ATE1: variants seen among roughly 807,000 people sequenced by gnomAD.
ATE1 encodes the protein arginyltransferase 1.
In ATE1, 36 loss-of-function variants were observed where a neutral mutation model predicts 70.5. The ratio of observed to expected loss-of-function variants is 0.51; its 90% confidence interval spans 0.39 to 0.67. The LOEUF (loss-of-function observed/expected upper bound fraction) is 0.67. Among genes scored for constraint, ATE1 ranks in the 30% least tolerant of loss-of-function variants. The pLI is 0.00. For synonymous variants in ATE1, 232 were observed against 219.3 expected, an observed-to-expected ratio of 1.06 and a Z score of -0.51; for missense variants, 593 against 629.5, an observed-to-expected ratio of 0.94 and a Z score of 0.62.
upstream of ATE1, chr10:121,928,206 A>G: frequency 7.5e-7 from 1 of 1,327,264 alleles, no homozygotes; most frequent in Non-Finnish European, 9.7e-7. Context: ...AGGCGGAGAG[A>G]CAGAGCGGGA....
intron 8 of ATE1, among the ~76,000 whole-genome samples, chr10:121,842,472 A>T (rs984891779): frequency 1.7e-4 from 26 of 151,366 alleles, no homozygotes; most frequent in African/African-American, 5.6e-4. Flanking sequence ...AGAAGAGAAT[A>T]AAAAAAAATG....
At chr10:121,896,538 G>A (rs1027967118) in intron 7 of ATE1, among the ~76,000 whole-genome samples, 3 of 151,418 alleles carry the variant, frequency 2.0e-5, no homozygotes, top group African/African-American at 7.3e-5. Flanking sequence ...GTCGGGCACA[G>A]TAGTCCACAC....
intron 11 of ATE1, among the ~76,000 whole-genome samples, chr10:121,745,659 G>A (rs530008668): frequency 1.8e-4 from 27 of 152,256 alleles, no homozygotes; most frequent in Admixed American, 1.3e-3. Context: ...CCCGGGAGGC[G>A]GAGTTTGCAG....
intron 10 of ATE1, among the ~76,000 whole-genome samples, chr10:121,826,655 G>C (rs368416157): frequency 6.6e-6 from 1 of 152,194 alleles, no homozygotes; most frequent in Non-Finnish European, 1.5e-5. Context: ...TACATGTGCA[G>C]GTTTGTTACA....
chr10:121,926,631 G>A, intron 1 of ATE1: 2 of 730,602 alleles, frequency 2.7e-6, no homozygotes, highest in Non-Finnish European at 3.3e-6. Context: ...TTAATTTTAG[G>A]CACGTTTAAT....
At chr10:121,771,299 G>A (rs966555943) in intron 11 of ATE1, among the ~76,000 whole-genome samples, 1 of 152,138 alleles carries the variant, frequency 6.6e-6, no homozygotes, top group Non-Finnish European at 1.5e-5. Flanking sequence ...TTGAACTCCT[G>A]ACCTCGTGAT....
At chr10:121,905,309 C>T (rs1951146754) in intron 5 of ATE1, among the ~76,000 whole-genome samples, 1 of 152,094 alleles carries the variant, frequency 6.6e-6, no homozygotes, top group Non-Finnish European at 1.5e-5. Flanking sequence ...ATAAACATTC[C>T]ATAAATAGTA....
intron 11 of ATE1, 45 bp downstream of exon 11, chr10:121,790,124 A>C: frequency 6.2e-7 from 1 of 1,611,694 alleles, no homozygotes; most frequent in Non-Finnish European, 8.5e-7. Context: ...ATGGATCATA[A>C]AAACAAAGCC....
At chr10:121,914,034 C>T in intron 3 of ATE1, 141 bp from the exon 4 acceptor site, 2 of 582,876 alleles carry the variant, frequency 3.4e-6, no homozygotes, top group Non-Finnish European at 5.9e-6. Context: ...AGCCTCTAAT[C>T]CCAGCCCACA....
intron 10 of ATE1, among the ~76,000 whole-genome samples, chr10:121,832,891 T>G (rs1948298990): frequency 6.6e-6 from 1 of 152,146 alleles, no homozygotes; most frequent in Non-Finnish European, 1.5e-5. Context: ...TAAACTAATC[T>G]AAGAAGTCTG....
At chr10:121,859,117 A>G (rs1003662795) in intron 8 of ATE1, among the ~76,000 whole-genome samples, 2 of 152,142 alleles carry the variant, frequency 1.3e-5, no homozygotes, top group African/African-American at 2.4e-5. Flanking sequence ...AAGAAAGAAA[A>G]AAAGGATATG....
At chr10:121,919,139 C>G (rs1951777794) in intron 3 of ATE1, among the ~76,000 whole-genome samples, 1 of 152,132 alleles carries the variant, frequency 6.6e-6, no homozygotes, top group African/African-American at 2.4e-5. Flanking sequence ...TCCCCTTCCA[C>G]ACTGTGGAAG....
At chr10:121,803,008 T>C (rs1012013950) in intron 10 of ATE1, among the ~76,000 whole-genome samples, 4 of 152,248 alleles carry the variant, frequency 2.6e-5, no homozygotes, top group Non-Finnish European at 4.4e-5. Context: ...GGGTCAGCGT[T>C]GACGTCTTTA....
intron 8 of ATE1, among the ~76,000 whole-genome samples, chr10:121,844,735 A>C (rs1395290866): frequency 2.0e-5 from 3 of 152,194 alleles, no homozygotes; most frequent in Non-Finnish European, 2.9e-5. Context: ...CCATACAATG[A>C]AAGATTACTC....
chr10:121,918,074 C>A (rs569934093), intron 3 of ATE1, among the ~76,000 whole-genome samples: 1 of 152,142 alleles, frequency 6.6e-6, no homozygotes, highest in African/African-American at 2.4e-5. Flanking sequence ...TGGCTCAACG[C>A]CTGTAATCCC....
At position 121,906,039 on chromosome 10, in the gene ATE1, A is replaced by C. The variant is rs572285473; in HGVS notation, c.584-3419T>G. Among the ~76,000 whole-genome samples, 13 of 152,334 alleles carry C rather than the reference A, an allele frequency of 8.5e-5. No homozygotes were observed. The East Asian group carries it at 2.3e-3, about 27-fold the overall frequency. On this transcript the variant is annotated intron_variant, in intron 5 of 11. Coordinates refer to ENST00000224652, the MANE Select transcript of ATE1 (RefSeq NM_001001976.3). ...CCAGGTGATTTAAATAGAGTTTAGG[A>C]GACCTACATAATTTCTAATTAAGTC... is the stretch of plus-strand genomic sequence containing the variant.
chr10:121,789,612 C>T (rs1564839401), intron 11 of ATE1, among the ~76,000 whole-genome samples: 1 of 152,008 alleles, frequency 6.6e-6, no homozygotes. Context: ...GATATACTTT[C>T]AATGTCTGTA....
chr10:121,851,575 TTTTTG>T (rs139935660), intron 8 of ATE1, among the ~76,000 whole-genome samples: 20,198 of 152,170 alleles, frequency 0.13, 1,521 homozygotes, highest in East Asian at 0.19. Flanking sequence ...TCAGTTTTTG[TTTTTG>T]TTTTGTTTTG....
At chr10:121,788,910 C>T (rs1398667463) in intron 11 of ATE1, among the ~76,000 whole-genome samples, 1 of 152,212 alleles carries the variant, frequency 6.6e-6, no homozygotes, top group Non-Finnish European at 1.5e-5. Context: ...CGGCTAAATG[C>T]CGTGAGGACT....
Sources: gnomAD v4.1 joint callset for allele counts (sites outside exome capture counted in the v4.1 genomes callset) on GRCh38, gnomAD v4.1.1 for gene constraint, MANE v1.5 for transcripts, NCBI Gene and HGNC (gene_info 2026-07-23, HGNC 2026-07-21) for gene names.